The following LRRC8B variants were observed in gnomAD, a reference collection of about 807,000 sequenced individuals.
The protein encoded by LRRC8B is leucine rich repeat containing 8 VRAC subunit B.
LRRC8B carries 23 observed loss-of-function variants against 58.8 expected under a neutral mutation model. The ratio of observed to expected loss-of-function variants is 0.39; its 90% CI spans 0.28 to 0.55. The LOEUF (loss-of-function observed/expected upper bound fraction) is 0.55. Ranked by LOEUF, LRRC8B falls within the 20% of genes least tolerant of loss-of-function variation. The probability of loss-of-function intolerance (pLI) is 0.62; values close to 1 mark genes in which losing one functional copy is unlikely to be tolerated. For missense variants in LRRC8B, 694 were observed against 936.0 expected (o/e 0.74, Z 3.37); for synonymous variants, 359 against 374.1 (o/e 0.96, Z 0.47).
intron 3 of LRRC8B, among the ~76,000 whole-genome samples, chr1:89,570,472 A>T (rs1230208919): frequency 6.6e-6 from 1 of 152,074 alleles, no homozygotes. Context: ...ATGATCAGTG[A>T]TGCTGATCAT....
chr1:89,529,734 A>G (rs1649972274), intron 1 of LRRC8B, among the ~76,000 whole-genome samples: 1 of 152,178 alleles, frequency 6.6e-6, no homozygotes. Context: ...ATTTTGTTAT[A>G]AAATAACAAA....
intron 3 of LRRC8B, among the ~76,000 whole-genome samples, chr1:89,573,255 G>A (rs533797552): frequency 7.3e-5 from 11 of 150,668 alleles, no homozygotes; most frequent in South Asian, 6.3e-4. Context: ...AACCAAGATC[G>A]CGCCACTGCA....
At chr1:89,592,726 C>A in intron 5 of LRRC8B, 45 bp from the exon 6 acceptor site, 4 of 1,560,786 alleles carry the variant, frequency 2.6e-6, no homozygotes, top group Non-Finnish European at 3.5e-6. Flanking sequence ...TATCATAAGC[C>A]ACCAAAAACC....
intron 2 of LRRC8B, 47 bp from the exon 3 acceptor site, chr1:89,568,392 T>C (rs1219185245): frequency 6.6e-6 from 1 of 152,184 alleles, no homozygotes; most frequent in African/African-American, 2.4e-5. Flanking sequence ...TATCTTGCAG[T>C]CCTATGATGC....
rs1035007630 is a variant in LRRC8B at position 89,568,453 on chromosome 1, G to A, written c.-165G>A. 6.6e-6 allele frequency: 1 copy of A among 152,088 alleles called. No individual in the cohort carries two copies. The highest frequency in any genetic ancestry group is 1.5e-5 in the Non-Finnish European group (1 of 67,988). 9.4% of individuals were successfully genotyped at this position (152,088 alleles called of 1,614,324 possible). ...TTTCTCCTTAGGAATTTTTCAAATT[G>A]AGACTAATTGCAGAGGTTCCAGTTG... On this transcript the variant is annotated 5_prime_UTR_variant, in exon 3 of 6. Transcript: ENST00000330947.
chr1:89,555,313 C>T (rs1652103009), intron 1 of LRRC8B, among the ~76,000 whole-genome samples: 1 of 152,156 alleles, frequency 6.6e-6, no homozygotes, highest in Admixed American at 6.6e-5. Flanking sequence ...GCTGATGGGG[C>T]TCAAATGGAG....
chr1:89,535,354 G>A (rs571117287), intron 1 of LRRC8B, among the ~76,000 whole-genome samples: 5 of 152,096 alleles, frequency 3.3e-5, no homozygotes, highest in Non-Finnish European at 7.4e-5. Context: ...AGGGATATCC[G>A]ATAGGGAAAG....
At chr1:89,525,533 A>G (rs972658548) in intron 1 of LRRC8B, among the ~76,000 whole-genome samples, 3 of 152,184 alleles carry the variant, frequency 2.0e-5, no homozygotes, top group Non-Finnish European at 4.4e-5. Context: ...GCTGTTGGAT[A>G]CGCGTTGGTT....
At chr1:89,534,780 A>G (rs947232582) in intron 1 of LRRC8B, among the ~76,000 whole-genome samples, 1 of 152,214 alleles carries the variant, frequency 6.6e-6, no homozygotes, top group Non-Finnish European at 1.5e-5. Context: ...TTATATGCCC[A>G]AAGATATCTA....
In LRRC8B at chr1:89,595,991, A is replaced by C. The variant is rs1655270529; in HGVS notation, c.*2948A>C. On this transcript the variant is annotated 3_prime_UTR_variant, in exon 6 of 6. Coordinates refer to ENST00000330947, the MANE Select transcript of LRRC8B (RefSeq NM_001369817.2). Reference sequence around the variant, plus strand: ...AATGGCATGGATTAATTTTATTTGCATGCACACACAGACACACATACTTCA... The same window carrying C: ...AATGGCATGGATTAATTTTATTTGCCTGCACACACAGACACACATACTTCA... 6.6e-6 allele frequency: 1 copy of C among 152,158 alleles called. No individual in the cohort carries two copies. Among genetic ancestry groups the C allele is most frequent in the African/African-American group, 2.4e-5 (1 of 41,436 alleles). 9.4% of individuals were successfully genotyped at this position (152,158 alleles called of 1,614,324 possible). A position where few individuals can be genotyped will look rare whatever the true frequency, so the allele number is the denominator to read the frequency against.
At chr1:89,530,946 G>A (rs1307847504) in intron 1 of LRRC8B, among the ~76,000 whole-genome samples, 1 of 152,112 alleles carries the variant, frequency 6.6e-6, no homozygotes, top group African/African-American at 2.4e-5. Context: ...CTTGGAGGAT[G>A]GCAGGGAGCA....
intron 5 of LRRC8B, among the ~76,000 whole-genome samples, chr1:89,586,780 C>A (rs1300239921): frequency 2.0e-5 from 3 of 152,190 alleles, no homozygotes; most frequent in African/African-American, 7.2e-5. Context: ...TGCTGATCAT[C>A]TTTGGAGCCA....
chr1:89,574,788 A>G (rs1005240143), intron 3 of LRRC8B, among the ~76,000 whole-genome samples: 10 of 152,162 alleles, frequency 6.6e-5, no homozygotes, highest in Non-Finnish European at 2.9e-5. Flanking sequence ...ACCCAGCAAA[A>G]GATACTCAAA....
In LRRC8B at chr1:89,534,860, T is replaced by A. The variant is rs56101477; in HGVS notation, c.-241+9838T>A. Among the ~76,000 whole-genome samples the A allele has an allele frequency of 7.5e-3, 1,135 of 152,038 alleles. 6 individuals are homozygous for A. Among genetic ancestry groups the A allele is most frequent in the Middle Eastern group, 0.037 (11 of 294 alleles). On this transcript the variant is annotated intron_variant, in intron 1 of 5. Coordinates refer to ENST00000330947, the MANE Select transcript of LRRC8B (RefSeq NM_001369817.2). ...ATTTGATTAGGTCTTCCTCCAGTGT[T>A]GATCTAAGCAAAGAAATAGAAACTT...
chr1:89,591,501 AATG>A (rs778689109), intron 5 of LRRC8B, among the ~76,000 whole-genome samples: 9 of 152,198 alleles, frequency 5.9e-5, no homozygotes, highest in Non-Finnish European at 1.2e-4. Context: ...TTTGGTGTAC[AATG>A]ATGATCTATA....
At chr1:89,526,163 C>A (rs1024447424) in intron 1 of LRRC8B, among the ~76,000 whole-genome samples, 1 of 152,156 alleles carries the variant, frequency 6.6e-6, no homozygotes, top group African/African-American at 2.4e-5. Flanking sequence ...ATTCCAGTAC[C>A]CTCTATGTGT....
intron 5 of LRRC8B, among the ~76,000 whole-genome samples, chr1:89,592,280 G>C (rs1655034212): frequency 6.6e-6 from 1 of 152,036 alleles, no homozygotes; most frequent in Admixed American, 6.5e-5. Flanking sequence ...GCTTCTGTAG[G>C]CTTTTTTAAA....
chr1:89,560,930 A>T (rs368067854), intron 1 of LRRC8B, among the ~76,000 whole-genome samples: 1 of 151,998 alleles, frequency 6.6e-6, no homozygotes, highest in Admixed American at 6.5e-5. Flanking sequence ...TCAAATGGTA[A>T]TTCTAGTTCT....
rs763620694 is a variant in LRRC8B at position 89,595,846 on chromosome 1, TAA to T, written c.*2804_*2805del. 3.9e-5 allele frequency: 6 copies of T among 152,112 alleles called. No homozygotes were observed. Among genetic ancestry groups the T allele is most frequent in the African/African-American group, 7.2e-5 (3 of 41,444 alleles). 9.4% of individuals were successfully genotyped at this position (152,112 alleles called of 1,614,324 possible). On this transcript the variant is annotated 3_prime_UTR_variant, in exon 6 of 6. Transcript: ENST00000330947. ...TAAGAGAATTTTAAATGAAGAAAAT[TAA>T]GTTTGTTAAATTATAATTATGAGAC...
Sources: allele counts gnomAD v4.1 joint callset (sites outside exome capture counted in the v4.1 genomes callset), GRCh38; gene constraint gnomAD v4.1.1; transcripts MANE v1.5; gene names NCBI Gene and HGNC (gene_info 2026-07-23, HGNC 2026-07-21).